The following STK10 variants were observed in gnomAD, a reference collection of about 807,000 sequenced individuals.
STK10 encodes serine/threonine-protein kinase 10.
STK10 carries 78 observed loss-of-function variants against 113.8 expected under a neutral mutation model. That is an observed-to-expected ratio of 0.69 (90% confidence interval 0.57 to 0.83). The LOEUF (loss-of-function observed/expected upper bound fraction) is 0.83. Ranked by LOEUF, STK10 falls within the 40% of genes least tolerant of loss-of-function variation. The pLI is 0.00. For missense variants in STK10, 1,109 were observed against 1,280.1 expected, an observed-to-expected ratio of 0.87 and a Z score of 2.04; for synonymous variants, 465 against 494.7, an observed-to-expected ratio of 0.94 and a Z score of 0.80.
At chr5:172,109,754 T>C (rs1186834277) in intron 4 of STK10, among the ~76,000 whole-genome samples, 5 of 152,216 alleles carry the variant, frequency 3.3e-5, no homozygotes. Context: ...GAAAAATAGA[T>C]TCAGGATGAA....
At chr5:172,098,300 G>A (rs1768902102) in intron 7 of STK10, among the ~76,000 whole-genome samples, 1 of 152,162 alleles carries the variant, frequency 6.6e-6, no homozygotes, top group Non-Finnish European at 1.5e-5. Flanking sequence ...ATCTTGTATA[G>A]CTGAGGGTGG....
At chr5:172,184,455 C>T (rs1389312588) in intron 1 of STK10, among the ~76,000 whole-genome samples, 1 of 152,004 alleles carries the variant, frequency 6.6e-6, no homozygotes, top group South Asian at 2.1e-4. Flanking sequence ...GGCACCGGGA[C>T]ATATGGGGTT....
intron 12 of STK10, among the ~76,000 whole-genome samples, chr5:172,080,893 T>C (rs1314300286): frequency 1.3e-5 from 2 of 152,248 alleles, no homozygotes; most frequent in Admixed American, 1.3e-4. Context: ...AACAGCTTTC[T>C]GTTGGTAGAA....
chr5:172,149,903 TG>T, intron 2 of STK10, among the ~76,000 whole-genome samples: 1 of 151,512 alleles, frequency 6.6e-6, no homozygotes, highest in African/African-American at 2.4e-5. Flanking sequence ...AAAAATTAGC[TG>T]GGTGTGGTGG....
chr5:172,097,693 C>T (rs562674199), intron 7 of STK10, among the ~76,000 whole-genome samples: 3 of 152,128 alleles, frequency 2.0e-5, no homozygotes, highest in Non-Finnish European at 1.5e-5. Context: ...CCATTTTTGG[C>T]AACTATGAAT....
rs1581147299 is a variant in STK10 at position 172,085,023 on chromosome 5, T to C, written c.1686-1939A>G. Among the ~76,000 whole-genome samples, 3 of 152,240 alleles carry C rather than the reference T, an allele frequency of 2.0e-5. No individual in the cohort carries two copies. In the South Asian group the frequency reaches 6.2e-4, roughly 32 times the overall value. On this transcript the variant is annotated intron_variant, in intron 10 of 18. Coordinates refer to ENST00000176763, the MANE Select transcript of STK10 (RefSeq NM_005990.4). Reference sequence around the variant, plus strand: ...ACTTTGGGAGGCCGAGTTGGGAGGATCACTTGAGCTCAGGAGTTCAAGACC... The same window carrying C: ...ACTTTGGGAGGCCGAGTTGGGAGGACCACTTGAGCTCAGGAGTTCAAGACC...
chr5:172,056,956 AAAG>A (rs1767797358), intron 15 of STK10: 4 of 70,274 alleles, frequency 5.7e-5, no homozygotes, highest in East Asian at 3.5e-4. Context: ...AGAAAGAAGG[AAAG>A]AAAGAAAGAA....
chr5:172,126,374 G>C (rs547888853), intron 3 of STK10, among the ~76,000 whole-genome samples: 3 of 152,254 alleles, frequency 2.0e-5, no homozygotes, highest in African/African-American at 7.2e-5. Context: ...AGACCAGCCT[G>C]GCCAACATGG....
At position 172,069,777 on chromosome 5, in the gene STK10, T is replaced by C. The variant is rs1311530998; in HGVS notation, c.1990-4965A>G. Among the ~76,000 whole-genome samples the C allele has an allele frequency of 4.6e-5, 7 of 152,184 alleles. 1 individual carries two copies. Among genetic ancestry groups the C allele is most frequent in the Admixed American group, 6.5e-5 (1 of 15,282 alleles). On this transcript the variant is annotated intron_variant, in intron 12 of 18. Transcript: ENST00000176763. ...CAAGTGGTCAGAAAATCAGTAAGAATAGAGAAGACCTGAACAATACTATCA... is the reference window on the plus strand; with the variant it reads ...CAAGTGGTCAGAAAATCAGTAAGAACAGAGAAGACCTGAACAATACTATCA...
At chr5:172,107,124 A>C in intron 5 of STK10, 1 of 291,606 alleles carries the variant, frequency 3.4e-6, no homozygotes. Flanking sequence ...GCAAAAAAAA[A>C]GGGGCGTGGA....
At chr5:172,090,100 G>T in intron 10 of STK10, 132 bp downstream of exon 10, 1 of 1,335,836 alleles carries the variant, frequency 7.5e-7, no homozygotes, top group Non-Finnish European at 1.0e-6. Flanking sequence ...GGCAAAATGA[G>T]TTTCCTTTTG....
chr5:172,096,762 G>A (rs567093680), intron 7 of STK10, among the ~76,000 whole-genome samples: 3 of 152,280 alleles, frequency 2.0e-5, no homozygotes, highest in Admixed American at 1.3e-4. Context: ...GTCTCTCAGC[G>A]GCTGTGTGAC....
intron 1 of STK10, among the ~76,000 whole-genome samples, chr5:172,175,304 G>T (rs1463363024): frequency 2.6e-5 from 4 of 152,086 alleles, no homozygotes; most frequent in Non-Finnish European, 4.4e-5. Context: ...GGTAAGCTAT[G>T]GGGGGAGAAG....
chr5:172,184,811 C>T (rs1238345672), intron 1 of STK10, among the ~76,000 whole-genome samples: 1 of 152,054 alleles, frequency 6.6e-6, no homozygotes, highest in Admixed American at 6.6e-5. Flanking sequence ...CGCCACCACA[C>T]CCGGCTAATT....
At chr5:172,052,476 G>C (rs1442116905) in intron 18 of STK10, among the ~76,000 whole-genome samples, 1 of 152,218 alleles carries the variant, frequency 6.6e-6, no homozygotes, top group Non-Finnish European at 1.5e-5. Flanking sequence ...CCATCACTAG[G>C]AGAGAGTAAA....
At chr5:172,049,093 T>A (rs1767569429) in intron 18 of STK10, among the ~76,000 whole-genome samples, 1 of 152,090 alleles carries the variant, frequency 6.6e-6, no homozygotes, top group African/African-American at 2.4e-5. Context: ...GACCCCCCCA[T>A]GCTGTTTCCC....
At chr5:172,061,830 G>A (rs1488721014) in intron 13 of STK10, among the ~76,000 whole-genome samples, 3 of 152,122 alleles carry the variant, frequency 2.0e-5, no homozygotes, top group Non-Finnish European at 2.9e-5. Flanking sequence ...TGTGATGTTT[G>A]ACAGGTAAAA....
rs1767468245 is a variant in STK10 at position 172,044,998 on chromosome 5, T to C, written c.2791A>G (p.Lys931Glu). 15 of 1,614,206 alleles carry C rather than the reference T, an allele frequency of 9.3e-6. No homozygotes were observed. Among genetic ancestry groups the C allele is most frequent in the Admixed American group, 1.7e-5 (1 of 60,026 alleles). Residue 931 changes from lysine (K) to glutamate (E), a missense_variant, in exon 19 of 19, where the codon AAG becomes GAG. Transcript: ENST00000176763. The surrounding 1 kb of genome is among the most constrained non-coding windows in gnomAD (Gnocchi z 4.5). The stretch of plus-strand genomic sequence containing the variant: ...AAGAACATCTCCTGCTCCCGCTTCT[T>C]CTGGTTCAGATCCTCTTCCAGAGCC... ...KKALEEDLNQ[K>E]KREQEMFFKL...
intron 2 of STK10, among the ~76,000 whole-genome samples, chr5:172,153,325 A>AGAGAGAGAGAGAGAGAGAGAGAG (rs1770283325): frequency 1.4e-5 from 2 of 141,970 alleles, no homozygotes; most frequent in African/African-American, 5.3e-5. Context: ...AGAAAGAAAG[A>AGAGAGAGAGAGAGAGAGAGAGAG]AATGTAAAAT....
Sources: allele counts gnomAD v4.1 joint callset (sites outside exome capture counted in the v4.1 genomes callset), GRCh38; gene constraint gnomAD v4.1.1; non-coding constraint Gnocchi (gnomAD v3.1); transcripts MANE v1.5; gene names NCBI Gene and HGNC (gene_info 2026-07-23, HGNC 2026-07-21).